Variants in NYAP2 observed in about 807,000 individuals in gnomAD.
NYAP2 encodes the protein neuronal tyrosine-phosphorylated phosphoinositide-3-kinase adapter 2.
NYAP2 carries 23 observed loss-of-function variants against 50.4 expected under a neutral mutation model. The observed-to-expected ratio is 0.46, with a 90% CI of 0.33 to 0.65. The LOEUF (loss-of-function observed/expected upper bound fraction) is 0.65, where lower values mean the gene tolerates loss of function less well. Among genes scored for constraint, NYAP2 ranks in the 30% least tolerant of loss-of-function variants. NYAP2 has a pLI of 0.02. For synonymous variants in NYAP2, 394 were observed against 365.2 expected (o/e 1.08, Z -0.90); for missense variants, 885 against 861.0 (o/e 1.03, Z -0.35).
intron 4 of NYAP2, among the ~76,000 whole-genome samples, chr2:225,577,138 A>G (rs561011425): frequency 6.6e-6 from 1 of 152,328 alleles, no homozygotes; most frequent in South Asian, 2.1e-4. Flanking sequence ...AAAGCCATGT[A>G]TAACCTTTGT....
At position 225,526,297 on chromosome 2, in the gene NYAP2, C is replaced by T. The variant is rs151166708; in HGVS notation, c.523+12625C>T. Among the ~76,000 whole-genome samples the T allele has an allele frequency of 1.6e-4, 25 of 152,270 alleles. No homozygotes were observed. The East Asian group carries it at 3.7e-3, about 22-fold the overall frequency. ...TACAAAGTTTCTAGACAGAGAAAAG[C>T]AACTTAGCAAAGCACCTGGCTTAGT... On this transcript the variant is annotated intron_variant, in intron 4 of 6. Coordinates refer to ENST00000636099, the Ensembl canonical transcript of NYAP2.
chr2:225,463,483 A>T (rs1294516036), intron 3 of NYAP2, among the ~76,000 whole-genome samples: 1 of 152,252 alleles, frequency 6.6e-6, no homozygotes, highest in Non-Finnish European at 1.5e-5. Context: ...AAAATGTATT[A>T]TTCAACTCTG....
chr2:225,536,903 C>T (rs532073741), intron 4 of NYAP2, among the ~76,000 whole-genome samples: 2 of 151,792 alleles, frequency 1.3e-5, no homozygotes, highest in African/African-American at 2.4e-5. Context: ...CTCAGCCTCC[C>T]GAATAGCTGG....
At chr2:225,642,875 T>G (rs893080148) in intron 6 of NYAP2, among the ~76,000 whole-genome samples, 1 of 152,308 alleles carries the variant, frequency 6.6e-6, no homozygotes, top group East Asian at 1.9e-4. Context: ...AATAAATTTG[T>G]ATGGGTGTTT....
intron 3 of NYAP2, among the ~76,000 whole-genome samples, chr2:225,444,091 T>C (rs113785510): frequency 6.6e-6 from 1 of 152,354 alleles, no homozygotes; most frequent in African/African-American, 2.4e-5. Context: ...TGCATTTTTT[T>C]CAGATAACCT....
intron 4 of NYAP2, among the ~76,000 whole-genome samples, chr2:225,569,241 A>G (rs1200691059): frequency 6.6e-6 from 1 of 152,184 alleles, no homozygotes; most frequent in African/African-American, 2.4e-5. Context: ...CTTATGACAA[A>G]AGTCTGTTCA....
chr2:225,589,524 T>A (rs867068420), intron 5 of NYAP2, among the ~76,000 whole-genome samples: 3,172 of 131,190 alleles, frequency 0.024, 254 homozygotes, highest in African/African-American at 0.086. Flanking sequence ...AAAATATATA[T>A]ATATATATAT....
At chr2:225,692,040 T>C in the NYAP2 span, among the ~76,000 whole-genome samples, 5 of 152,126 alleles carry the variant, frequency 3.3e-5, no homozygotes, top group East Asian at 9.7e-4. Context: ...AATTAAATTT[T>C]ACTCTCACGA....
chr2:225,544,737 A>G (rs1691541328), intron 4 of NYAP2, among the ~76,000 whole-genome samples: 1 of 152,048 alleles, frequency 6.6e-6, no homozygotes, highest in South Asian at 2.1e-4. Flanking sequence ...ACAGAGTTAT[A>G]ATATTCTGTG....
chr2:225,511,415 G>A (rs1270082961), intron 3 of NYAP2, among the ~76,000 whole-genome samples: 5 of 146,104 alleles, frequency 3.4e-5, no homozygotes, highest in South Asian at 4.4e-4. Context: ...TAAAAACACT[G>A]CACTGACTTA....
chr2:225,591,468 A>ATG (rs1692503305), intron 5 of NYAP2, among the ~76,000 whole-genome samples: 1 of 152,182 alleles, frequency 6.6e-6, no homozygotes, highest in Admixed American at 6.5e-5. Context: ...AGTGGTAAGG[A>ATG]TGTGGAAGAA....
At chr2:225,461,653 G>A (rs1689835592) in intron 3 of NYAP2, among the ~76,000 whole-genome samples, 2 of 152,090 alleles carry the variant, frequency 1.3e-5, no homozygotes. Context: ...GGGCAGGAGG[G>A]AAATCCAAAA....
At chr2:225,551,427 A>G (rs1278489340) in intron 4 of NYAP2, among the ~76,000 whole-genome samples, 1 of 152,256 alleles carries the variant, frequency 6.6e-6, no homozygotes, top group Non-Finnish European at 1.5e-5. Context: ...ACCTCTTCCA[A>G]TCAAACTTCC....
intron 5 of NYAP2, among the ~76,000 whole-genome samples, chr2:225,590,851 A>G (rs1692488741): frequency 6.6e-6 from 1 of 152,210 alleles, no homozygotes; most frequent in Non-Finnish European, 1.5e-5. Flanking sequence ...TAAGAATGGA[A>G]TACATGGTGG....
intron 3 of NYAP2, among the ~76,000 whole-genome samples, chr2:225,488,721 T>C (rs1409314984): frequency 6.6e-6 from 1 of 152,146 alleles, no homozygotes; most frequent in East Asian, 1.9e-4. Flanking sequence ...TTTGATAGGA[T>C]TTTTATTTCC....
Position 225,409,023 on chromosome 2 carries a change from G to GCTTGAGAAATGAAACTAACCTAGCCTATT in NYAP2, c.144_172dup (p.Leu58SerfsTer2). On this transcript the variant is annotated frameshift_variant, in exon 3 of 7. Transcript: ENST00000636099. LOFTEE classifies it high-confidence loss of function. ...TCAGATATTGCTCGAGAGAATGATC[G>GCTTGAGAAATGAAACTAACCTAGCCTATT]CTTGAGAAATGAAACTAACCTAGCC... is the stretch of plus-strand genomic sequence containing the variant. The GCTTGAGAAATGAAACTAACCTAGCCTATT allele has an allele frequency of 6.2e-7, 1 of 1,612,302 alleles. No individual in the cohort carries two copies. Among genetic ancestry groups the GCTTGAGAAATGAAACTAACCTAGCCTATT allele is most frequent in the Non-Finnish European group, 8.5e-7 (1 of 1,178,890 alleles).
At chr2:225,517,603 T>C (rs1012960299) in intron 4 of NYAP2, among the ~76,000 whole-genome samples, 2 of 152,156 alleles carry the variant, frequency 1.3e-5, no homozygotes, top group African/African-American at 4.8e-5. Flanking sequence ...CCTCACAGCT[T>C]TATGACAACC....
At chr2:225,514,417 C>T (rs1305874219) in intron 4 of NYAP2, among the ~76,000 whole-genome samples, 1 of 152,196 alleles carries the variant, frequency 6.6e-6, no homozygotes, top group East Asian at 1.9e-4. Flanking sequence ...TATAACAAAA[C>T]ACCATAGCCT....
intron 3 of NYAP2, among the ~76,000 whole-genome samples, chr2:225,444,120 C>T (rs1327423079): frequency 6.6e-6 from 1 of 152,218 alleles, no homozygotes; most frequent in East Asian, 1.9e-4. Flanking sequence ...TTTCAGAAGG[C>T]TGAAACTGTA....
Sources: allele counts gnomAD v4.1 joint callset (sites outside exome capture counted in the v4.1 genomes callset), GRCh38; gene constraint gnomAD v4.1.1; transcripts MANE v1.5; gene names NCBI Gene and HGNC (gene_info 2026-07-23, HGNC 2026-07-21).